C1QTNF7: variants seen among roughly 807,000 people sequenced by gnomAD.
The protein encoded by C1QTNF7 is C1q and TNF related 7.
In C1QTNF7, 15 loss-of-function variants were observed where a neutral mutation model predicts 19.6. The ratio of observed to expected loss-of-function variants is 0.76; its 90% CI spans 0.51 to 1.18. The LOEUF is 1.18. Among genes scored for constraint, C1QTNF7 ranks in the 50% most tolerant of loss-of-function variants. The probability of loss-of-function intolerance (pLI) is 0.00; values close to 1 mark genes in which losing one functional copy is unlikely to be tolerated. For missense variants in C1QTNF7, 324 were observed against 359.7 expected (o/e 0.90, Z 0.80); for synonymous variants, 142 against 137.5 (o/e 1.03, Z -0.23).
intron 1 of C1QTNF7, among the ~76,000 whole-genome samples, chr4:15,420,744 C>T (rs1237791177): frequency 6.7e-6 from 1 of 149,280 alleles, no homozygotes; most frequent in Non-Finnish European, 1.5e-5. Context: ...AGTCTTACTC[C>T]ACAAAGAAAT....
intron 1 of C1QTNF7, among the ~76,000 whole-genome samples, chr4:15,409,745 G>A (rs561879503): frequency 6.6e-6 from 1 of 152,230 alleles, no homozygotes; most frequent in East Asian, 1.9e-4. Context: ...CCTGGGCTTG[G>A]TGTGCTCACT....
At chr4:15,437,968 TAAG>T (rs1712601931) in intron 2 of C1QTNF7, among the ~76,000 whole-genome samples, 2 of 152,176 alleles carry the variant, frequency 1.3e-5, no homozygotes, top group Non-Finnish European at 2.9e-5. Flanking sequence ...AACGCAAGCA[TAAG>T]ACATTGTTCT....
At chr4:15,374,448 C>G (rs985537064) in intron 1 of C1QTNF7, 5 of 539,026 alleles carry the variant, frequency 9.3e-6, no homozygotes, top group African/African-American at 2.1e-5. Flanking sequence ...ATTTGGGGAG[C>G]GAGCCAACAG....
chr4:15,425,945 C>T (rs1712026513), upstream of C1QTNF7, among the ~76,000 whole-genome samples: 2 of 152,146 alleles, frequency 1.3e-5, no homozygotes, highest in African/African-American at 4.8e-5. Flanking sequence ...CTTTCCAACT[C>T]TGCATTCAGT....
At chr4:15,378,706 C>T (rs927046277) in intron 1 of C1QTNF7, among the ~76,000 whole-genome samples, 2 of 152,168 alleles carry the variant, frequency 1.3e-5, no homozygotes. Context: ...TGAAATTGTG[C>T]ATATGTTAGT....
At chr4:15,402,840 C>T (rs1444711575) in intron 1 of C1QTNF7, among the ~76,000 whole-genome samples, 3 of 152,100 alleles carry the variant, frequency 2.0e-5, no homozygotes, top group Admixed American at 1.3e-4. Flanking sequence ...AAATAGCATG[C>T]GTAGTATGAA....
intron 2 of C1QTNF7, among the ~76,000 whole-genome samples, chr4:15,436,768 G>A (rs1284275563): frequency 6.6e-6 from 1 of 152,180 alleles, no homozygotes; most frequent in Admixed American, 6.5e-5. Context: ...TCTAAAAGAG[G>A]AAGGGATTTG....
At chr4:15,361,056 A>G (rs1717326555) in intron 1 of C1QTNF7, 1 of 152,200 alleles carries the variant, frequency 6.6e-6, no homozygotes, top group Non-Finnish European at 1.5e-5. Context: ...AATAAGGAAA[A>G]GCAATTCTAT....
intron 1 of C1QTNF7, among the ~76,000 whole-genome samples, chr4:15,357,393 G>T (rs1717182885): frequency 6.6e-6 from 1 of 152,166 alleles, no homozygotes; most frequent in East Asian, 1.9e-4. Flanking sequence ...GTTTGTCAAA[G>T]ATCAGATTGT....
chr4:15,439,893 T>C (rs1481260993), intron 2 of C1QTNF7, among the ~76,000 whole-genome samples: 1 of 151,810 alleles, frequency 6.6e-6, no homozygotes, highest in Non-Finnish European at 1.5e-5. Context: ...ATGCCTTATA[T>C]GTAAAATGTC....
intron 1 of C1QTNF7, among the ~76,000 whole-genome samples, chr4:15,393,619 G>C (rs1307337518): frequency 1.3e-5 from 2 of 152,190 alleles, no homozygotes; most frequent in Non-Finnish European, 2.9e-5. Flanking sequence ...AGGACCAATG[G>C]ATTTGATCAT....
intron 1 of C1QTNF7, among the ~76,000 whole-genome samples, chr4:15,376,556 G>T (rs1313105485): frequency 3.9e-5 from 6 of 152,156 alleles, no homozygotes; most frequent in Non-Finnish European, 1.5e-5. Flanking sequence ...TTTGAGAGTT[G>T]ATATAGACAA....
chr4:15,397,668 C>T (rs1057506658), intron 1 of C1QTNF7, among the ~76,000 whole-genome samples: 4 of 152,218 alleles, frequency 2.6e-5, no homozygotes, highest in Admixed American at 6.5e-5. Flanking sequence ...CCACAACTCT[C>T]TCTAGGCTGT....
chr4:15,395,719 C>A lies in C1QTNF7; in HGVS notation c.14-40017C>A, dbSNP rs578029407. 3.3e-5 allele frequency among the ~76,000 whole-genome samples: 5 copies of A among 152,214 alleles called. No homozygotes were observed. In the South Asian group the frequency reaches 1.0e-3, roughly 32 times the overall value. ...GAAAAAACAGCAGAAAATTGTAAGA[C>A]CTACTCTGTGCTGAGAAAATACAGG... is the stretch of plus-strand genomic sequence containing the variant. On this transcript the variant is annotated intron_variant, in intron 1 of 2. Coordinates refer to the C1QTNF7 transcript ENST00000295297.
At chr4:15,412,915 G>A (rs552423144) in intron 1 of C1QTNF7, among the ~76,000 whole-genome samples, 8 of 152,130 alleles carry the variant, frequency 5.3e-5, no homozygotes, top group African/African-American at 1.2e-4. Context: ...CCCCTAATAC[G>A]TTCCACAGAC....
chr4:15,351,341 A>T (rs559244182), intron 1 of C1QTNF7, among the ~76,000 whole-genome samples: 2 of 152,266 alleles, frequency 1.3e-5, no homozygotes, highest in South Asian at 4.1e-4. Context: ...CACAAATTTT[A>T]GCTTTTCTTT....
At chr4:15,402,974 G>T (rs1288472487) in intron 1 of C1QTNF7, among the ~76,000 whole-genome samples, 1 of 134,398 alleles carries the variant, frequency 7.4e-6, no homozygotes, top group Admixed American at 8.1e-5. Context: ...GTTTTGCTTT[G>T]CTTTTTTCTG....
At position 15,354,733 on chromosome 4, in the gene C1QTNF7, C is replaced by T. The variant is rs187654360; in HGVS notation, c.13+14526C>T. On this transcript the variant is annotated intron_variant, in intron 1 of 2. Coordinates refer to the C1QTNF7 transcript ENST00000295297. ...GATAAAAGAGGCCCCACACTACACA[C>T]ATGTTGACCTCAGGAAGCAAAGACA... 9.2e-5 allele frequency among the ~76,000 whole-genome samples: 14 copies of T among 152,176 alleles called. No homozygotes were observed. In the East Asian group the frequency reaches 1.9e-3, roughly 21 times the overall value.
intron 1 of C1QTNF7, among the ~76,000 whole-genome samples, chr4:15,387,136 G>A (rs190349570): frequency 1.3e-5 from 2 of 152,200 alleles, no homozygotes; most frequent in African/African-American, 4.8e-5. Context: ...TGTACAATTT[G>A]CAGGAAAAGG....
Sources: gnomAD v4.1 joint callset for allele counts (sites outside exome capture counted in the v4.1 genomes callset) on GRCh38, gnomAD v4.1.1 for gene constraint, MANE v1.5 for transcripts, NCBI Gene and HGNC (gene_info 2026-07-23, HGNC 2026-07-21) for gene names.